The following RUNX1 variants were observed in gnomAD, a reference collection of about 807,000 sequenced individuals.
RUNX1 encodes the protein RUNX family transcription factor 1.
A neutral mutation model predicts 42.8 loss-of-function variants in RUNX1; 19 were observed. The ratio of observed to expected loss-of-function variants is 0.44; its 90% CI spans 0.31 to 0.65. The LOEUF is 0.65. Ranked by LOEUF, RUNX1 falls within the 30% of genes least tolerant of loss-of-function variation. The pLI, the probability that RUNX1 is intolerant of heterozygous loss-of-function variation, is 0.07. For synonymous variants in RUNX1, 271 were observed against 289.4 expected (o/e 0.94, Z 0.64); for missense variants, 528 against 672.0 (o/e 0.79, Z 2.37).
intron 2 of RUNX1, among the ~76,000 whole-genome samples, chr21:35,028,895 TG>T (rs1291149793): frequency 1.3e-5 from 2 of 152,212 alleles, no homozygotes; most frequent in African/African-American, 4.8e-5. Context: ...CATGAGAATC[TG>T]GTTATACAGT....
intron 2 of RUNX1, among the ~76,000 whole-genome samples, chr21:34,986,098 C>T (rs1167234679): frequency 6.6e-6 from 1 of 152,044 alleles, no homozygotes; most frequent in Non-Finnish European, 1.5e-5. Flanking sequence ...TCTCGAACTC[C>T]TGGGCTCAAG....
At chr21:34,958,006 G>T (rs2058657005) in intron 2 of RUNX1, among the ~76,000 whole-genome samples, 1 of 152,170 alleles carries the variant, frequency 6.6e-6, no homozygotes, top group African/African-American at 2.4e-5. Context: ...TCCTTGTAAA[G>T]GATGGCGGTA....
chr21:34,976,743 C>T (rs556877098), intron 2 of RUNX1, among the ~76,000 whole-genome samples: 1 of 152,320 alleles, frequency 6.6e-6, no homozygotes, highest in South Asian at 2.1e-4. Context: ...ATTGCTAGAG[C>T]ACCATGATCA....
intron 2 of RUNX1, among the ~76,000 whole-genome samples, chr21:35,028,730 A>C (rs922707158): frequency 3.3e-5 from 5 of 152,252 alleles, no homozygotes; most frequent in African/African-American, 1.2e-4. Flanking sequence ...ACTACTTTCT[A>C]ACGCAGTGTC....
intron 5 of RUNX1, among the ~76,000 whole-genome samples, chr21:34,860,600 A>G (rs2057560294): frequency 6.6e-6 from 1 of 152,130 alleles, no homozygotes; most frequent in Admixed American, 6.5e-5. Context: ...GGTCTATAAT[A>G]GGACCCTAAC....
At chr21:34,818,428 C>T (rs1454391636) in intron 7 of RUNX1, among the ~76,000 whole-genome samples, 1 of 152,158 alleles carries the variant, frequency 6.6e-6, no homozygotes, top group African/African-American at 2.4e-5. Context: ...CCCAGCATTT[C>T]CCGTCTCCCC....
chr21:34,874,379 G>A (rs944118453), intron 5 of RUNX1, among the ~76,000 whole-genome samples: 4 of 148,030 alleles, frequency 2.7e-5, no homozygotes, highest in African/African-American at 1.0e-4. Context: ...GGAGGCCAAG[G>A]CAGGTGGACC....
intron 2 of RUNX1, among the ~76,000 whole-genome samples, chr21:34,941,171 C>A (rs2058523783): frequency 6.6e-6 from 1 of 152,170 alleles, no homozygotes; most frequent in Non-Finnish European, 1.5e-5. Flanking sequence ...TTGTGACAAC[C>A]CTGTGTTCCC....
chr21:34,971,694 A>C (rs1351495935), intron 2 of RUNX1, among the ~76,000 whole-genome samples: 1 of 152,190 alleles, frequency 6.6e-6, no homozygotes, highest in Non-Finnish European at 1.5e-5. Flanking sequence ...CTACACCAGA[A>C]GGTAGGGCAC....
intron 7 of RUNX1, among the ~76,000 whole-genome samples, chr21:34,803,035 C>G (rs767218434): frequency 6.6e-6 from 1 of 152,180 alleles, no homozygotes; most frequent in South Asian, 2.1e-4. Context: ...ATCTGATGTT[C>G]ATTGGTGAGA....
chr21:34,873,966 T>C (rs2057776932), intron 5 of RUNX1, among the ~76,000 whole-genome samples: 1 of 152,238 alleles, frequency 6.6e-6, no homozygotes, highest in Non-Finnish European at 1.5e-5. Flanking sequence ...CATGTCATAG[T>C]ATTCATAGGC....
intron 2 of RUNX1, among the ~76,000 whole-genome samples, chr21:35,000,544 A>G (rs1403875610): frequency 6.6e-6 from 1 of 152,128 alleles, no homozygotes; most frequent in East Asian, 1.9e-4. Context: ...CCAGCCTCAT[A>G]TAATTTTCAT....
chr21:34,912,056 G>A (rs2058276673), intron 2 of RUNX1, among the ~76,000 whole-genome samples: 1 of 151,556 alleles, frequency 6.6e-6, no homozygotes, highest in South Asian at 2.1e-4. Flanking sequence ...AGTGACAGAG[G>A]GAGTGGATGG....
At chr21:34,994,329 A>G (rs781244487) in intron 2 of RUNX1, among the ~76,000 whole-genome samples, 5 of 152,224 alleles carry the variant, frequency 3.3e-5, no homozygotes, top group Non-Finnish European at 5.9e-5. Context: ...AATAATGTGT[A>G]AGACCTGGTA....
At chr21:34,880,025 G>T (rs564849314) in intron 5 of RUNX1, among the ~76,000 whole-genome samples, 2 of 152,108 alleles carry the variant, frequency 1.3e-5, no homozygotes, top group Non-Finnish European at 2.9e-5. Context: ...GCCATCAATG[G>T]TACTAACATT....
At chr21:34,889,658 C>T (rs1202585832) in intron 3 of RUNX1, 8 of 1,126,932 alleles carry the variant, frequency 7.1e-6, no homozygotes, top group Non-Finnish European at 5.5e-6. Context: ...GCTCGAGCGG[C>T]CCCAGGTGCG....
In RUNX1 at chr21:34,856,679, C is replaced by T. The variant is rs554058733; in HGVS notation, c.613+2795G>A. Among the ~76,000 whole-genome samples the T allele has an allele frequency of 2.0e-5, 3 of 152,314 alleles. No homozygotes were observed. The South Asian group carries it at 6.2e-4, about 32-fold the overall frequency. On this transcript the variant is annotated intron_variant, in intron 6 of 8. Transcript: ENST00000675419. ...GATGATCCTAAAGGCTCTTCTCAGG[C>T]CCCTCCTAGCTCTCATTGTCTTTGA...
At chr21:34,989,353 G>C (rs2058918851) in intron 2 of RUNX1, among the ~76,000 whole-genome samples, 1 of 151,778 alleles carries the variant, frequency 6.6e-6, no homozygotes, top group Non-Finnish European at 1.5e-5. Context: ...ACTCTGCTTG[G>C]GGTAGCTTCT....
At chr21:34,870,060 A>G (rs1224671897) in intron 5 of RUNX1, among the ~76,000 whole-genome samples, 1 of 152,194 alleles carries the variant, frequency 6.6e-6, no homozygotes, top group South Asian at 2.1e-4. Context: ...GCTAACAGGA[A>G]TCTCAGGGCC....
Sources: gnomAD v4.1 joint callset for allele counts (sites outside exome capture counted in the v4.1 genomes callset) on GRCh38, gnomAD v4.1.1 for gene constraint, MANE v1.5 for transcripts, NCBI Gene and HGNC (gene_info 2026-07-23, HGNC 2026-07-21) for gene names.